The following CBLN1 variants were observed in gnomAD, a reference collection of about 807,000 sequenced individuals.
CBLN1 encodes cerebellin-1.
In CBLN1, 5 loss-of-function variants were observed where a neutral mutation model predicts 15.9. The observed-to-expected ratio is 0.31, with a 90% CI of 0.16 to 0.66. The LOEUF (loss-of-function observed/expected upper bound fraction) is 0.66, where lower values mean the gene tolerates loss of function less well. Among genes scored for constraint, CBLN1 ranks in the 30% least tolerant of loss-of-function variants. CBLN1 has a pLI of 0.75. For synonymous variants in CBLN1, 90 were observed against 107.6 expected (o/e 0.84, Z 1.01); for missense variants, 164 against 253.7 (o/e 0.65, Z 2.40).
At chr16:49,281,069 G>A in intron 1 of CBLN1, 27 bp from the exon 2 acceptor site, 7 of 1,614,252 alleles carry the variant, frequency 4.3e-6, no homozygotes, top group Non-Finnish European at 5.9e-6. Context: ...ACGAAGGGGA[G>A]TGGGCAGGAA....
In CBLN1 at chr16:49,281,409, G is replaced by T; in HGVS notation, c.57C>A (p.Ala19=). 1 of 1,599,614 alleles carries T rather than the reference G, an allele frequency of 6.3e-7. No individual in the cohort carries two copies. The part of the protein sequence containing the change: ...LLGAAWLAGP[A]RGQNETEPIV... ...TGGGCTCCGTCTCATTCTGCCCGCGGGCCGGGCCCGCCAGCCACGCAGCCC... is the reference window on the plus strand; with the variant it reads ...TGGGCTCCGTCTCATTCTGCCCGCGTGCCGGGCCCGCCAGCCACGCAGCCC... The change falls in exon 1 of 3, where the codon GCC becomes GCA. Residue 19 remains alanine (A), a synonymous_variant. Coordinates refer to ENST00000219197, the MANE Select transcript of CBLN1 (RefSeq NM_004352.4).
Position 49,281,558 on chromosome 16 carries a change from A to C in CBLN1, c.-93T>G, listed in dbSNP as rs2151234013. On this transcript the variant is annotated 5_prime_UTR_variant, in exon 1 of 3. Transcript: ENST00000219197. Reference sequence around the variant, plus strand: ...AGTCCCGCTCCGAAGCCCCCTCCTCAGCTCCGTGCGCAGCTCCGCCGCCGC... The same window carrying C: ...AGTCCCGCTCCGAAGCCCCCTCCTCCGCTCCGTGCGCAGCTCCGCCGCCGC... The C allele has an allele frequency of 1.2e-6, 1 of 816,228 alleles. No individual in the cohort carries two copies. Among genetic ancestry groups the C allele is most frequent in the East Asian group, 3.7e-5 (1 of 27,306 alleles). The allele number at this position is 816,228 out of a possible 1,614,324, so 50.6% of individuals were successfully genotyped here. A position where few individuals can be genotyped will look rare whatever the true frequency, so the allele number is the denominator to read the frequency against.
At chr16:49,281,111 C>T in intron 1 of CBLN1, 69 bp from the exon 2 acceptor site, 1 of 1,614,124 alleles carries the variant, frequency 6.2e-7, no homozygotes. Context: ...CGCGCCTCCG[C>T]AGAGCCCTTG....
chr16:49,281,747 T>G lies in CBLN1; in HGVS notation c.-282A>C. The G allele has an allele frequency of 6.7e-6, 2 of 298,614 alleles. No individual in the cohort carries two copies. Among genetic ancestry groups the G allele is most frequent in the Non-Finnish European group, 6.1e-6 (1 of 163,646 alleles). 18.5% of individuals were successfully genotyped at this position (298,614 alleles called of 1,614,324 possible). On this transcript the variant is annotated 5_prime_UTR_variant, in exon 1 of 3. Coordinates refer to ENST00000219197, the MANE Select transcript of CBLN1 (RefSeq NM_004352.4). ...AGCCGCTGCTGCTCGGTCCCGCTGC[T>G]GCCGCCGCCTCCTGCCCGCACCCGC...
Position 49,279,332 on chromosome 16 carries a change from T to G in CBLN1, c.*72A>C. 3 of 1,415,504 alleles carry G rather than the reference T, an allele frequency of 2.1e-6. No homozygotes were observed. The allele number at this position is 1,415,504 out of a possible 1,614,324, so 87.7% of individuals were successfully genotyped here. ...AAGTCGTGCTGCTTTCTCGCCCTCT[T>G]AATTTCAGCCTCTTTCTCACTCCCC... is the stretch of plus-strand genomic sequence containing the variant. On this transcript the variant is annotated 3_prime_UTR_variant, in exon 3 of 3. Coordinates refer to ENST00000219197, the MANE Select transcript of CBLN1 (RefSeq NM_004352.4).
chr16:49,280,822 T>C (rs1384343123), intron 2 of CBLN1, 101 bp downstream of exon 2: 23 of 1,358,656 alleles, frequency 1.7e-5, no homozygotes, highest in Non-Finnish European at 2.3e-5. Flanking sequence ...CCGAAGTACA[T>C]GCAGCCGCCA....
chr16:49,279,720 G>T, intron 2 of CBLN1, 119 bp from the exon 3 acceptor site: 1 of 704,230 alleles, frequency 1.4e-6, no homozygotes, highest in Admixed American at 2.7e-5. Flanking sequence ...ACGGAGAGGT[G>T]GGGGGTGGGG....
At position 49,278,539 on chromosome 16, in the gene CBLN1, G is replaced by C. The variant is rs1963223969; in HGVS notation, c.*865C>G. ...TTCAGAAAAATAAAAGTCCCACTTC[G>C]ACTTTATTAGATTAAAGCAAAATTA... On this transcript the variant is annotated 3_prime_UTR_variant, in exon 3 of 3. Transcript: ENST00000219197. 2 of 152,216 alleles carry C rather than the reference G, an allele frequency of 1.3e-5. 1 individual carries two copies. The highest frequency in any genetic ancestry group is 4.8e-5 in the African/African-American group (2 of 41,446). The allele number at this position is 152,216 out of a possible 1,614,324, so 9.4% of individuals were successfully genotyped here. A position where few individuals can be genotyped will look rare whatever the true frequency, so the allele number is the denominator to read the frequency against.
rs1464224587 is a variant in CBLN1, at chr16:49,281,493, C to G, written c.-28G>C. ...CGCCGCCGGCGCCCACCCCGCCCCC[C>G]ACCCCCAGGGCTGCTCGCGCCAGCC... On this transcript the variant is annotated 5_prime_UTR_variant, in exon 1 of 3. Transcript: ENST00000219197. The G allele has an allele frequency of 7.1e-6, 9 of 1,275,046 alleles. No individual in the cohort carries two copies. Among genetic ancestry groups the G allele is most frequent in the Non-Finnish European group, 7.2e-6 (7 of 972,142 alleles). The allele number at this position is 1,275,046 out of a possible 1,614,324, so 79.0% of individuals were successfully genotyped here. A position where few individuals can be genotyped will look rare whatever the true frequency, so the allele number is the denominator to read the frequency against.
In CBLN1 at chr16:49,280,988, G is replaced by C. The variant is rs1009430172; in HGVS notation, c.319C>G (p.Pro107Ala). ...TTAAAACTGTAGATCCCTTTGCGCGGGGCGATGAAAGTGCTGCGTTCTGAA... is the reference window on the plus strand; with the variant it reads ...TTAAAACTGTAGATCCCTTTGCGCGCGGCGATGAAAGTGCTGCGTTCTGAA... ...FDSERSTFIA[P>A]RKGIYSFNFH... is the part of the protein sequence containing the mutation. Residue 107 changes from proline to alanine, a missense_variant, in exon 2 of 3, where the codon CCG (proline) becomes GCG (alanine). Around this residue, in one of 3 missense-constraint regions of CBLN1, gnomAD observed 127 missense variants for 179.7 expected, o/e 0.71. Coordinates refer to ENST00000219197, the MANE Select transcript of CBLN1 (RefSeq NM_004352.4). The C allele has an allele frequency of 2.3e-5, 37 of 1,614,090 alleles. No homozygotes were observed. The highest frequency in any genetic ancestry group is 3.1e-5 in the Non-Finnish European group (37 of 1,180,038).
Position 49,281,038 on chromosome 16 carries a change from AG to A in CBLN1, c.268del (p.Leu90Ter). On this transcript the variant is annotated frameshift_variant, in exon 2 of 3. Coordinates refer to ENST00000219197, the MANE Select transcript of CBLN1 (RefSeq NM_004352.4). LOFTEE classifies it high-confidence loss of function. ...ATCAAAGTTGTTCCCAATGTTCACT[AG>A]TACCTATAACGAGACGGGAACGAAG... is the stretch of plus-strand genomic sequence containing the variant. ...RTMIIYFDQVLVNIGNNFDSE... is the reference protein window; with the variant it reads ...RTMIIYFDQVXVNIGNNFDSE... 1 of 1,614,224 alleles carries A rather than the reference AG, an allele frequency of 6.2e-7. No individual in the cohort carries two copies. Among genetic ancestry groups the A allele is most frequent in the Non-Finnish European group, 8.5e-7 (1 of 1,180,036 alleles).
Position 49,281,627 on chromosome 16 carries a change from T to G in CBLN1, c.-162A>C. On this transcript the variant is annotated 5_prime_UTR_variant, in exon 1 of 3. Coordinates refer to ENST00000219197, the MANE Select transcript of CBLN1 (RefSeq NM_004352.4). ...TCTTCCTCGCACTCCGGGACTAGCGTCCCCTCCGCGACTAGCGTCCCCTCC... is the reference window on the plus strand; with the variant it reads ...TCTTCCTCGCACTCCGGGACTAGCGGCCCCTCCGCGACTAGCGTCCCCTCC... 1 of 423,612 alleles carries G rather than the reference T, an allele frequency of 2.4e-6. No individual in the cohort carries two copies. Among genetic ancestry groups the G allele is most frequent in the South Asian group, 9.1e-5 (1 of 10,984 alleles). The allele number at this position is 423,612 out of a possible 1,614,324, so 26.2% of individuals were successfully genotyped here.
rs918358911 is a variant in CBLN1 at position 49,278,031 on chromosome 16, T to C, written c.*1373A>G. Reference sequence around the variant, plus strand: ...AAAGTCCTGTGAATGAGCGGAATCATAGGTCCTGGGCGCCCGAGTATGCGG... The same window carrying C: ...AAAGTCCTGTGAATGAGCGGAATCACAGGTCCTGGGCGCCCGAGTATGCGG... On this transcript the variant is annotated 3_prime_UTR_variant, in exon 3 of 3. Coordinates refer to ENST00000219197, the MANE Select transcript of CBLN1 (RefSeq NM_004352.4). 1.3e-5 allele frequency: 2 copies of C among 152,216 alleles called. No homozygotes were observed. The highest frequency in any genetic ancestry group is 2.4e-5 in the African/African-American group (1 of 41,460). 9.4% of individuals were successfully genotyped at this position (152,216 alleles called of 1,614,324 possible).
At position 49,279,135 on chromosome 16, in the gene CBLN1, CTCTT is replaced by C; in HGVS notation, c.*265_*268del. The C allele has an allele frequency of 2.0e-6, 1 of 495,258 alleles. No homozygotes were observed. Among genetic ancestry groups the C allele is most frequent in the Non-Finnish European group, 3.6e-6 (1 of 280,428 alleles). The allele number at this position is 495,258 out of a possible 1,614,324, so 30.7% of individuals were successfully genotyped here. A position where few individuals can be genotyped will look rare whatever the true frequency, so the allele number is the denominator to read the frequency against. On this transcript the variant is annotated 3_prime_UTR_variant, in exon 3 of 3. Coordinates refer to ENST00000219197, the MANE Select transcript of CBLN1 (RefSeq NM_004352.4). ...GGATAAGAAACAATGACAAGGCAGT[CTCTT>C]TCTTGATTACTGCAACTGGAATGGG...
At chr16:49,281,089 G>T (rs2151233578) in intron 1 of CBLN1, 47 bp from the exon 2 acceptor site, 2 of 1,614,168 alleles carry the variant, frequency 1.2e-6, no homozygotes, top group Non-Finnish European at 1.7e-6. Context: ...ATCGGTCCCG[G>T]ACTGTCGTCC....
chr16:49,279,688 A>T, intron 2 of CBLN1, 87 bp from the exon 3 acceptor site: 1 of 828,350 alleles, frequency 1.2e-6, no homozygotes, highest in African/African-American at 1.8e-5. Context: ...TGCTTGGCTA[A>T]CAGCCTGTAA....
At position 49,279,342 on chromosome 16, in the gene CBLN1, C is replaced by T; in HGVS notation, c.*62G>A. 1.3e-6 allele frequency: 2 copies of T among 1,481,748 alleles called. No homozygotes were observed. The highest frequency in any genetic ancestry group is 1.9e-6 in the Non-Finnish European group (2 of 1,062,678). The allele number at this position is 1,481,748 out of a possible 1,614,324, so 91.8% of individuals were successfully genotyped here. On this transcript the variant is annotated 3_prime_UTR_variant, in exon 3 of 3. Transcript: ENST00000219197. Reference sequence around the variant, plus strand: ...GCTTTCTCGCCCTCTTAATTTCAGCCTCTTTCTCACTCCCCTTCCTGCCTT... The same window carrying T: ...GCTTTCTCGCCCTCTTAATTTCAGCTTCTTTCTCACTCCCCTTCCTGCCTT...
In CBLN1 at chr16:49,281,208, G is replaced by C. The variant is rs773519567; in HGVS notation, c.258C>G (p.Phe86Leu). ...GGGAGGAAGGAACACTCACCTGGTC[G>C]AAGTAGATGATCATGGTGCGATTAC... ...EMSNRTMIIY[F>L]DQVLVNIGNN... is the part of the protein sequence containing the mutation. Residue 86 changes from phenylalanine (F) to leucine (L), a missense_variant, in exon 1 of 3, where the codon TTC becomes TTG. Phe to Leu is a conservative substitution (Grantham distance 22). Transcript: ENST00000219197. The C allele has an allele frequency of 1.2e-5, 19 of 1,614,064 alleles. No individual in the cohort carries two copies. The highest frequency in any genetic ancestry group is 1.6e-5 in the Non-Finnish European group (19 of 1,180,060).
At chr16:49,280,694 G>A (rs1963262360) in intron 2 of CBLN1, among the ~76,000 whole-genome samples, 1 of 152,154 alleles carries the variant, frequency 6.6e-6, no homozygotes, top group African/African-American at 2.4e-5. Flanking sequence ...GAAGGCAGAA[G>A]CAGAAAATTC....
Sources: gnomAD v4.1 joint callset for allele counts (sites outside exome capture counted in the v4.1 genomes callset) on GRCh38, gnomAD v4.1.1 for gene constraint, gnomAD v4.1.1 regional missense constraint, MANE v1.5 for transcripts, NCBI Gene and HGNC (gene_info 2026-07-23, HGNC 2026-07-21) for gene names.